SOX5: variants seen among roughly 807,000 people sequenced by gnomAD.
SOX5 encodes the protein transcription factor SOX-5.
SOX5 carries 9 observed loss-of-function variants against 92.0 expected under a neutral mutation model. The ratio of observed to expected loss-of-function variants is 0.10; its 90% CI spans 0.06 to 0.17. SOX5 has a LOEUF of 0.17. SOX5 is among the 10% of genes least tolerant of loss of function. The pLI is 1.00. For missense variants in SOX5, 642 were observed against 944.5 expected (o/e 0.68, Z 4.20); for synonymous variants, 344 against 336.3 (o/e 1.02, Z -0.25).
chr12:24,306,506 A>G (rs1382193862), intron 2 of SOX5, among the ~76,000 whole-genome samples: 1 of 152,214 alleles, frequency 6.6e-6, no homozygotes, highest in Non-Finnish European at 1.5e-5. Flanking sequence ...GACCATAAGG[A>G]AGTGCAATCA....
intron 4 of SOX5, among the ~76,000 whole-genome samples, chr12:24,178,348 A>G (rs1002311153): frequency 1.1e-4 from 16 of 151,758 alleles, no homozygotes; most frequent in Admixed American, 1.3e-4. Context: ...ATTCATTAGG[A>G]AAAGGGTAAC....
chr12:24,294,004 A>T (rs1946907458), intron 2 of SOX5, among the ~76,000 whole-genome samples: 1 of 152,218 alleles, frequency 6.6e-6, no homozygotes, highest in Non-Finnish European at 1.5e-5. Flanking sequence ...TTATAACATT[A>T]TTCTGACAGC....
At chr12:23,650,706 T>C (rs2081452279) in intron 7 of SOX5, among the ~76,000 whole-genome samples, 1 of 152,132 alleles carries the variant, frequency 6.6e-6, no homozygotes, top group Non-Finnish European at 1.5e-5. Context: ...CCCCAGTGTT[T>C]CTGATGCAGA....
chr12:23,781,886 G>A (rs2095287671), intron 3 of SOX5, among the ~76,000 whole-genome samples: 1 of 152,056 alleles, frequency 6.6e-6, no homozygotes, highest in African/African-American at 2.4e-5. Context: ...AAGTTATATA[G>A]AAACAATGAG....
At chr12:24,441,235 A>AAAT (rs1940521637) in intron 1 of SOX5, among the ~76,000 whole-genome samples, 1 of 152,210 alleles carries the variant, frequency 6.6e-6, no homozygotes, top group Non-Finnish European at 1.5e-5. Context: ...TGCACAAAAC[A>AAAT]AATAACCCTC....
intron 4 of SOX5, among the ~76,000 whole-genome samples, chr12:24,018,762 C>T (rs1246908865): frequency 1.3e-5 from 2 of 152,144 alleles, no homozygotes; most frequent in Admixed American, 6.5e-5. Context: ...ACACCCATTG[C>T]ACTCCAGCCT....
chr12:24,318,386 G>C (rs1334963088), intron 2 of SOX5, among the ~76,000 whole-genome samples: 2 of 152,084 alleles, frequency 1.3e-5, no homozygotes, highest in Admixed American at 1.3e-4. Flanking sequence ...ATTAAGTGTA[G>C]AGAAACGGCT....
At chr12:23,578,175 T>C (rs935049524) in intron 9 of SOX5, among the ~76,000 whole-genome samples, 9 of 138,216 alleles carry the variant, frequency 6.5e-5, no homozygotes, top group Non-Finnish European at 1.4e-4. Context: ...TTATCCCTAA[T>C]TGTTCAATCT....
intron 11 of SOX5, among the ~76,000 whole-genome samples, chr12:23,547,426 C>T (rs1233416579): frequency 2.0e-5 from 3 of 151,926 alleles, no homozygotes; most frequent in South Asian, 2.1e-4. Context: ...TACTAGTGAA[C>T]GACATACACT....
chr12:24,285,152 A>T lies in SOX5; in HGVS notation c.-173-7840T>A, dbSNP rs12581267. On this transcript the variant is annotated intron_variant, in intron 2 of 4. Coordinates refer to the SOX5 transcript ENST00000446891. ...ATTCCATCTCAAAAAGAAAGAAAAA[A>T]AAATAATCAGAGTGGCTTCTGACTT... Among the ~76,000 whole-genome samples, 62 of 152,274 alleles carry T rather than the reference A, an allele frequency of 4.1e-4. No individual in the cohort carries two copies. In the East Asian group the frequency reaches 0.012, roughly 28 times the overall value.
chr12:24,447,303 C>T (rs904013314), intron 1 of SOX5, among the ~76,000 whole-genome samples: 6 of 152,190 alleles, frequency 3.9e-5, no homozygotes, highest in African/African-American at 1.4e-4. Flanking sequence ...AACGGCACTT[C>T]AGCTTTGTGA....
intron 4 of SOX5, among the ~76,000 whole-genome samples, chr12:24,116,630 C>G (rs1948034506): frequency 6.6e-6 from 1 of 151,572 alleles, no homozygotes; most frequent in African/African-American, 2.4e-5. Flanking sequence ...CCTTTTTTTC[C>G]CTAAGCACAC....
chr12:24,310,351 T>A (rs1460327083), intron 2 of SOX5, among the ~76,000 whole-genome samples: 3 of 152,188 alleles, frequency 2.0e-5, no homozygotes, highest in African/African-American at 7.2e-5. Context: ...GTTTCTGGGT[T>A]TGCTCCTAAA....
intron 1 of SOX5, chr12:23,944,461 A>T (rs1166759886): frequency 6.6e-6 from 1 of 152,222 alleles, no homozygotes; most frequent in East Asian, 1.9e-4. Context: ...AGAATAGACA[A>T]CACTAAAAGA....
chr12:23,653,585 A>G (rs1468734341), intron 7 of SOX5, among the ~76,000 whole-genome samples: 1 of 152,108 alleles, frequency 6.6e-6, no homozygotes, highest in Non-Finnish European at 1.5e-5. Flanking sequence ...TGTTTCTCAC[A>G]GTTCTGGAGG....
At chr12:23,992,240 A>G (rs920703250) in intron 4 of SOX5, among the ~76,000 whole-genome samples, 1 of 152,122 alleles carries the variant, frequency 6.6e-6, no homozygotes, top group Non-Finnish European at 1.5e-5. Flanking sequence ...ATCTTTAGTT[A>G]ACAATGATAT....
chr12:24,374,297 C>T (rs1338131752), intron 1 of SOX5, among the ~76,000 whole-genome samples: 1 of 151,918 alleles, frequency 6.6e-6, no homozygotes, highest in African/African-American at 2.4e-5. Context: ...AGGGTGGCAG[C>T]GAGAGCACAG....
At chr12:24,487,825 G>A (rs771462168) in intron 1 of SOX5, among the ~76,000 whole-genome samples, 1 of 152,090 alleles carries the variant, frequency 6.6e-6, no homozygotes, top group Admixed American at 6.5e-5. Flanking sequence ...TCTACCATCA[G>A]GTTCATAGTA....
chr12:24,486,917 C>G (rs896761477), intron 1 of SOX5, among the ~76,000 whole-genome samples: 2 of 152,174 alleles, frequency 1.3e-5, no homozygotes, highest in Non-Finnish European at 2.9e-5. Flanking sequence ...CAACTCCCCC[C>G]AGCTGAGATG....
Sources: allele counts gnomAD v4.1 joint callset (sites outside exome capture counted in the v4.1 genomes callset), GRCh38; gene constraint gnomAD v4.1.1; transcripts MANE v1.5; gene names NCBI Gene and HGNC (gene_info 2026-07-23, HGNC 2026-07-21).